GLCE: variants seen among roughly 807,000 people sequenced by gnomAD.
GLCE encodes the protein glucuronic acid epimerase.
GLCE carries 19 observed loss-of-function variants against 47.9 expected under a neutral mutation model. That is an observed-to-expected ratio of 0.40 (90% CI 0.28 to 0.58). The LOEUF is 0.58. Ranked by LOEUF, GLCE falls within the 20% of genes least tolerant of loss-of-function variation. The pLI is 0.48. For synonymous variants in GLCE, 245 were observed against 263.4 expected (o/e 0.93, Z 0.68); for missense variants, 556 against 743.3 (o/e 0.75, Z 2.93).
At chr15:69,255,292 C>T (rs1279268324) in intron 2 of GLCE, among the ~76,000 whole-genome samples, 1 of 152,064 alleles carries the variant, frequency 6.6e-6, no homozygotes, top group African/African-American at 2.4e-5. Context: ...ATCGAAAATA[C>T]AAAATGCTTC....
chr15:69,235,825 C>T (rs1010013049), intron 2 of GLCE, among the ~76,000 whole-genome samples: 16 of 152,248 alleles, frequency 1.1e-4, no homozygotes, highest in African/African-American at 3.1e-4. Context: ...AAATGTGCCC[C>T]TTTAAAATTT....
At position 69,182,486 on chromosome 15, in the gene GLCE, A is replaced by C. The variant is rs542995683; in HGVS notation, c.-105+21729A>C. Among the ~76,000 whole-genome samples, 61 of 152,300 alleles carry C rather than the reference A, an allele frequency of 4.0e-4. 2 individuals carry two copies. In the South Asian group the frequency reaches 0.013, roughly 32 times the overall value. ...TGCATTGGTAACAACTAGCCAAGCA[A>C]GATTGACATAGTCAGAAGGAAGACA... On this transcript the variant is annotated intron_variant, in intron 1 of 4. Coordinates refer to ENST00000261858, the MANE Select transcript of GLCE (RefSeq NM_015554.3).
At chr15:69,244,513 T>G (rs1420716481) in intron 2 of GLCE, among the ~76,000 whole-genome samples, 1 of 152,162 alleles carries the variant, frequency 6.6e-6, no homozygotes, top group African/African-American at 2.4e-5. Context: ...TGTTATAAGT[T>G]AAAATCTTCT....
At chr15:69,189,804 T>C (rs2051886646) in intron 1 of GLCE, among the ~76,000 whole-genome samples, 1 of 152,150 alleles carries the variant, frequency 6.6e-6, no homozygotes, top group Non-Finnish European at 1.5e-5. Flanking sequence ...TTAGCTTGCT[T>C]TTCTCTTTCT....
chr15:69,261,736 T>A (rs73437131), intron 4 of GLCE, among the ~76,000 whole-genome samples: 4,853 of 152,284 alleles, frequency 0.032, 259 homozygotes, highest in African/African-American at 0.11. Context: ...TTTTTGCCAA[T>A]AGCTTTTAAT....
chr15:69,253,098 T>C (rs1413516239), intron 2 of GLCE, among the ~76,000 whole-genome samples: 1 of 152,190 alleles, frequency 6.6e-6, no homozygotes, highest in Non-Finnish European at 1.5e-5. Flanking sequence ...AGATCTCTAG[T>C]TGAGTACCAG....
At chr15:69,227,412 C>T (rs2052465080) in intron 2 of GLCE, among the ~76,000 whole-genome samples, 1 of 152,094 alleles carries the variant, frequency 6.6e-6, no homozygotes, top group Non-Finnish European at 1.5e-5. Flanking sequence ...AGAGCTGATA[C>T]TAGAGTAGGT....
intron 1 of GLCE, among the ~76,000 whole-genome samples, chr15:69,169,678 A>G (rs2051559411): frequency 6.6e-6 from 1 of 151,848 alleles, no homozygotes; most frequent in Non-Finnish European, 1.5e-5. Flanking sequence ...TTTGCTGATA[A>G]TGATGGTTTC....
rs963154086 is a variant in GLCE, at chr15:69,194,922, C to T, written c.-104-15394C>T. Among the ~76,000 whole-genome samples, 9 of 152,136 alleles carry T rather than the reference C, an allele frequency of 5.9e-5. 1 individual carries two copies. The South Asian group carries it at 1.9e-3, about 32-fold the overall frequency. Reference sequence around the variant, plus strand: ...CTTATATAGTCTTTATAGATAAATGCAATGTACCTTTCTTTAATTACTGGG... The same window carrying T: ...CTTATATAGTCTTTATAGATAAATGTAATGTACCTTTCTTTAATTACTGGG... On this transcript the variant is annotated intron_variant, in intron 1 of 4. Transcript: ENST00000261858.
At position 69,256,208 on chromosome 15, in the gene GLCE, G is replaced by T. The variant is rs1176663278; in HGVS notation, c.402G>T (p.Glu134Asp). 1.5e-5 allele frequency: 25 copies of T among 1,614,132 alleles called. No individual in the cohort carries two copies. The highest frequency in any genetic ancestry group is 2.0e-5 in the Non-Finnish European group (24 of 1,180,008). ...NEVFLPFTWV[E>D]KYFDVYGKVV... Reference sequence around the variant, plus strand: ...TCTTTCTTCCATTCACTTGGGTTGAGAAATATTTTGATGTTTATGGAAAGG... The same window carrying T: ...TCTTTCTTCCATTCACTTGGGTTGATAAATATTTTGATGTTTATGGAAAGG... The change falls in exon 3 of 5, where the codon GAG (glutamate) becomes GAT (aspartate). Residue 134 changes from glutamate to aspartate, a missense_variant. Glu to Asp is a conservative substitution (Grantham distance 45, BLOSUM62 2). This residue lies in a region of GLCE where 237 missense variants were observed against 310.9 expected (regional missense o/e 0.76). Coordinates refer to ENST00000261858, the MANE Select transcript of GLCE (RefSeq NM_015554.3).
rs16953005 is a variant in GLCE, at chr15:69,243,429, C to T, written c.-13-12365C>T. ...ATTTTTTATTTTTGTTTTGCTTTTTCGTTTCATAGCTTCAAAGCCGATTTA... is the reference window on the plus strand; with the variant it reads ...ATTTTTTATTTTTGTTTTGCTTTTTTGTTTCATAGCTTCAAAGCCGATTTA... On this transcript the variant is annotated intron_variant, in intron 2 of 4. Transcript: ENST00000261858. Among the ~76,000 whole-genome samples, 566 of 151,582 alleles carry T rather than the reference C, an allele frequency of 3.7e-3. 4 individuals are homozygous for T. The highest frequency in any genetic ancestry group is 0.012 in the African/African-American group (485 of 41,394).
At chr15:69,211,743 T>C (rs1412784734) in intron 2 of GLCE, among the ~76,000 whole-genome samples, 1 of 151,978 alleles carries the variant, frequency 6.6e-6, no homozygotes, top group Non-Finnish European at 1.5e-5. Context: ...AAACAAATTA[T>C]TTTTGCTATT....
chr15:69,179,868 T>A (rs1233499361), intron 1 of GLCE, among the ~76,000 whole-genome samples: 1 of 152,126 alleles, frequency 6.6e-6, no homozygotes, highest in Non-Finnish European at 1.5e-5. Flanking sequence ...ATGCCTGTAG[T>A]CCCAGCTACT....
At chr15:69,262,684 C>G (rs954763172) in intron 4 of GLCE, among the ~76,000 whole-genome samples, 1 of 152,152 alleles carries the variant, frequency 6.6e-6, no homozygotes, top group Admixed American at 6.6e-5. Context: ...TCCTTAGCCC[C>G]TCATTCTGTA....
chr15:69,236,826 A>G (rs1380902773), intron 2 of GLCE, among the ~76,000 whole-genome samples: 1 of 152,176 alleles, frequency 6.6e-6, no homozygotes, highest in African/African-American at 2.4e-5. Context: ...AGTTGACTCT[A>G]TATCAGTTTC....
intron 1 of GLCE, among the ~76,000 whole-genome samples, chr15:69,206,041 C>A (rs1011196645): frequency 1.3e-5 from 2 of 152,070 alleles, no homozygotes; most frequent in Non-Finnish European, 2.9e-5. Flanking sequence ...TCCACTGGGT[C>A]TCCTGTTCTT....
intron 2 of GLCE, among the ~76,000 whole-genome samples, chr15:69,231,753 A>T (rs1361116181): frequency 1.3e-5 from 2 of 151,962 alleles, no homozygotes; most frequent in African/African-American, 4.8e-5. Flanking sequence ...CCCATTTAGG[A>T]TATACATGTG....
At chr15:69,257,970 G>GTAGAAA (rs2052952559) in intron 3 of GLCE, among the ~76,000 whole-genome samples, 1 of 151,528 alleles carries the variant, frequency 6.6e-6, no homozygotes, top group Non-Finnish European at 1.5e-5. Context: ...TTTTGTTGTT[G>GTAGAAA]TAGAAATATA....
chr15:69,259,304 T>C (rs1488165874), intron 3 of GLCE, among the ~76,000 whole-genome samples: 1 of 152,218 alleles, frequency 6.6e-6, no homozygotes, highest in Non-Finnish European at 1.5e-5. Context: ...CTGGTTGTCT[T>C]TTCATTTTAC....
Sources: allele counts gnomAD v4.1 joint callset (sites outside exome capture counted in the v4.1 genomes callset), GRCh38; gene constraint gnomAD v4.1.1; regional missense constraint gnomAD v4.1.1; transcripts MANE v1.5; gene names NCBI Gene and HGNC (gene_info 2026-07-23, HGNC 2026-07-21).